Variants in EPO observed in about 807,000 individuals in gnomAD.
The protein encoded by EPO is erythropoietin, also known as epoetin.
Under a neutral mutation model 24.4 loss-of-function variants are expected in EPO, and 12 were observed. The ratio of observed to expected loss-of-function variants is 0.49; its 90% CI spans 0.32 to 0.80. The LOEUF is 0.80. Among genes scored for constraint, EPO ranks in the 30% least tolerant of loss-of-function variants. EPO has a pLI of 0.04. For synonymous variants in EPO, 107 were observed against 104.0 expected (o/e 1.03, Z -0.18); for missense variants, 210 against 238.0 (o/e 0.88, Z 0.77).
chr7:100,721,631 A>G lies in EPO; in HGVS notation c.87A>G (p.Pro29=). The change falls in exon 2 of 5, where the codon CCA becomes CCG. Residue 29 remains proline (P), a synonymous_variant. Coordinates refer to ENST00000252723, the MANE Select transcript of EPO (RefSeq NM_000799.4). The surrounding 1 kb of genome is among the most constrained non-coding windows in gnomAD (Gnocchi z 4.0). ...TGGGCCTCCCAGTCCTGGGCGCCCC[A>G]CCACGCCTCATCTGTGACAGCCGAG... is the stretch of plus-strand genomic sequence containing the variant. ...LPLGLPVLGA[P]PRLICDSRVL... is the part of the protein sequence containing the mutation. The G allele has an allele frequency of 1.9e-6, 3 of 1,613,498 alleles. No homozygotes were observed. The highest frequency in any genetic ancestry group is 2.5e-6 in the Non-Finnish European group (3 of 1,179,940).
At position 100,721,980 on chromosome 7, in the gene EPO, T is replaced by C. The variant is rs1269694686; in HGVS notation, c.178T>C (p.Cys60Arg). The change falls in exon 3 of 5, where the codon TGC (cysteine) becomes CGC (arginine). Residue 60 changes from cysteine to arginine, a missense_variant. Cys to Arg is a radical substitution (Grantham distance 180). Transcript: ENST00000252723. The surrounding 1 kb of genome is among the most constrained non-coding windows in gnomAD (Gnocchi z 4.0). ...ATTTCAGACGGGCTGTGCTGAACAC[T>C]GCAGCTTGAATGAGAATATCACTGT... ...ENITTGCAEH[C>R]SLNENITVPD... 4 of 1,613,322 alleles carry C rather than the reference T, an allele frequency of 2.5e-6. No individual in the cohort carries two copies. The highest frequency in any genetic ancestry group is 3.4e-6 in the Non-Finnish European group (4 of 1,179,846).
Position 100,722,744 on chromosome 7 carries a change from C to CA in EPO, c.329dup (p.Asn110LysfsTer15). Reference sequence around the variant, plus strand: ...TCCTGCGGGGCCAGGCCCTGTTGGTCAACTCTTCCCAGCCGTGGGAGCCCC... The same window carrying CA: ...TCCTGCGGGGCCAGGCCCTGTTGGTCAAACTCTTCCCAGCCGTGGGAGCCCC... On this transcript the variant is annotated frameshift_variant, in exon 4 of 5. Transcript: ENST00000252723. LOFTEE classifies it high-confidence loss of function. 6.2e-7 allele frequency: 1 copy of CA among 1,613,900 alleles called. No individual in the cohort carries two copies. Among genetic ancestry groups the CA allele is most frequent in the Non-Finnish European group, 8.5e-7 (1 of 1,179,968 alleles).
chr7:100,720,783 C>A lies in EPO; in HGVS notation c.-198C>A. 1 of 543,944 alleles carries A rather than the reference C, an allele frequency of 1.8e-6. No homozygotes were observed. The highest frequency in any genetic ancestry group is 2.9e-6 in the Non-Finnish European group (1 of 349,668). The allele number at this position is 543,944 out of a possible 1,614,324, so 33.7% of individuals were successfully genotyped here. On this transcript the variant is annotated 5_prime_UTR_variant, in exon 1 of 5. Coordinates refer to ENST00000252723, the MANE Select transcript of EPO (RefSeq NM_000799.4). ...CACCCCGGCCGCTCGCTGCGCTGCG[C>A]CGCACCGCGCTGTCCTCCCGGAGCC...
In EPO at chr7:100,720,934, C is replaced by T. The variant is rs1395278777; in HGVS notation, c.-47C>T. 8 of 1,537,464 alleles carry T rather than the reference C, an allele frequency of 5.2e-6. No homozygotes were observed. The highest frequency in any genetic ancestry group is 6.1e-6 in the Non-Finnish European group (7 of 1,144,564). On this transcript the variant is annotated 5_prime_UTR_variant, in exon 1 of 5. Coordinates refer to ENST00000252723, the MANE Select transcript of EPO (RefSeq NM_000799.4). ...CCGGGATGAGGGCCCCCGGTGTGGT[C>T]ACCCGGCGCGCCCCAGGTCGCTGAG...
In EPO at chr7:100,722,521, TCACTCAC is replaced by T. The variant is rs1562901711; in HGVS notation, c.247-142_247-136del. On this transcript the variant is annotated intron_variant, in intron 3 of 4. Transcript: ENST00000252723. Reference sequence around the variant, plus strand: ...ATTCATTATTCATTCACTCACTCACTCACTCACTCATTCATTCATTCATTCATTCAAC... The same window carrying T: ...ATTCATTATTCATTCACTCACTCACTTCATTCATTCATTCATTCATTCAAC... 6.2e-3 allele frequency: 3,939 copies of T among 635,788 alleles called. 106 individuals are homozygous for T. In the African/African-American group the frequency reaches 0.063, roughly 10 times the overall value. 39.4% of individuals were successfully genotyped at this position (635,788 alleles called of 1,614,324 possible).
chr7:100,722,011 A>G lies in EPO; in HGVS notation c.209A>G (p.Asp70Gly), dbSNP rs1806748422. 6.2e-7 allele frequency: 1 copy of G among 1,612,010 alleles called. No homozygotes were observed. Among genetic ancestry groups the G allele is most frequent in the Non-Finnish European group, 8.5e-7 (1 of 1,179,620 alleles). The change falls in exon 3 of 5, where the codon GAC (aspartate) becomes GGC (glycine). Residue 70 changes from aspartate (D) to glycine (G), a missense_variant. Asp to Gly is a moderately conservative substitution (Grantham distance 94, BLOSUM62 -1). Transcript: ENST00000252723. ...TTGAATGAGAATATCACTGTCCCAGACACCAAAGTTAATTTCTATGCCTGG... is the reference window on the plus strand; with the variant it reads ...TTGAATGAGAATATCACTGTCCCAGGCACCAAAGTTAATTTCTATGCCTGG... ...CSLNENITVP[D>G]TKVNFYAWKR...
rs1020652113 is a variant in EPO at position 100,720,748 on chromosome 7, G to A, written c.-233G>A. ...CCCGACCCCCGGCCAGAGCCGCAGAGTCCCTGGGCCACCCCGGCCGCTCGC... is the reference window on the plus strand; with the variant it reads ...CCCGACCCCCGGCCAGAGCCGCAGAATCCCTGGGCCACCCCGGCCGCTCGC... On this transcript the variant is annotated 5_prime_UTR_variant, in exon 1 of 5. Coordinates refer to ENST00000252723, the MANE Select transcript of EPO (RefSeq NM_000799.4). 5 of 423,236 alleles carry A rather than the reference G, an allele frequency of 1.2e-5. No homozygotes were observed. Among genetic ancestry groups the A allele is most frequent in the African/African-American group, 6.2e-5 (3 of 48,112 alleles). 26.2% of individuals were successfully genotyped at this position (423,236 alleles called of 1,614,324 possible).
rs530387518 is a variant in EPO, at chr7:100,721,722, C to T, written c.159+19C>T. ...TATCACGGTGAGACCCCTTCCCCAG[C>T]ACATTCCACAGAACTCACGCTCAGG... On this transcript the variant is annotated intron_variant, in intron 2 of 4. Coordinates refer to ENST00000252723, the MANE Select transcript of EPO (RefSeq NM_000799.4). This position sits in a 1 kb window ranked among gnomAD's most constrained non-coding sequence, Gnocchi z 4.0. 1.9e-6 allele frequency: 3 copies of T among 1,603,446 alleles called. No homozygotes were observed. The South Asian group carries it at 3.3e-5, about 18-fold the overall frequency.
Position 100,721,671 on chromosome 7 carries a change from C to T in EPO, c.127C>T (p.Leu43Phe). ...TGACAGCCGAGTCCTGGAGAGGTACCTCTTGGAGGCCAAGGAGGCCGAGAA... is the reference window on the plus strand; with the variant it reads ...TGACAGCCGAGTCCTGGAGAGGTACTTCTTGGAGGCCAAGGAGGCCGAGAA... ...ICDSRVLERY[L>F]LEAKEAENIT... Residue 43 changes from leucine to phenylalanine, a missense_variant, in exon 2 of 5, where the codon CTC becomes TTC. Transcript: ENST00000252723. The surrounding 1 kb of genome is among the most constrained non-coding windows in gnomAD (Gnocchi z 4.0). 6.2e-7 allele frequency: 1 copy of T among 1,612,544 alleles called. No individual in the cohort carries two copies. Among genetic ancestry groups the T allele is most frequent in the South Asian group, 1.1e-5 (1 of 91,080 alleles).
Position 100,721,898 on chromosome 7 carries a change from C to A in EPO, c.160-64C>A, listed in dbSNP as rs755347543. The stretch of plus-strand genomic sequence containing the variant: ...CAAGGAGCAAAGCCAGCAGATCCTA[C>A]GGCCTGTGGGCCAGGGCCAGAGCCT... On this transcript the variant is annotated intron_variant, in intron 2 of 4. Transcript: ENST00000252723. This position sits in a 1 kb window ranked among gnomAD's most constrained non-coding sequence, Gnocchi z 4.0. 9.0e-6 allele frequency: 14 copies of A among 1,557,014 alleles called. No homozygotes were observed. The highest frequency in any genetic ancestry group is 1.0e-5 in the Non-Finnish European group (12 of 1,150,226).
At position 100,723,108 on chromosome 7, in the gene EPO, A is replaced by G; in HGVS notation, c.557A>G (p.Glu186Gly). ...GGAAAGCTGAAGCTGTACACAGGGGAGGCCTGCAGGACAGGGGACAGATGA... is the reference window on the plus strand; with the variant it reads ...GGAAAGCTGAAGCTGTACACAGGGGGGGCCTGCAGGACAGGGGACAGATGA... ...LRGKLKLYTG[E>G]ACRTGDR The change falls in exon 5 of 5, where the codon GAG becomes GGG. Residue 186 changes from glutamate to glycine, a missense_variant. Coordinates refer to ENST00000252723, the MANE Select transcript of EPO (RefSeq NM_000799.4). 6.2e-7 allele frequency: 1 copy of G among 1,614,018 alleles called. No homozygotes were observed. The highest frequency in any genetic ancestry group is 8.5e-7 in the Non-Finnish European group (1 of 1,179,974).
Position 100,722,724 on chromosome 7 carries a change from C to A in EPO, c.307C>A (p.Arg103=), listed in dbSNP as rs367645892. Residue 103 remains arginine, a synonymous_variant, in exon 4 of 5, where the codon CGG becomes AGG. Coordinates refer to ENST00000252723, the MANE Select transcript of EPO (RefSeq NM_000799.4). ...GLALLSEAVL[R]GQALLVNSSQ... ...GGCCCTGCTGTCGGAAGCTGTCCTG[C>A]GGGGCCAGGCCCTGTTGGTCAACTC... is the stretch of plus-strand genomic sequence containing the variant. The A allele has an allele frequency of 3.1e-6, 5 of 1,613,398 alleles. No individual in the cohort carries two copies. Among genetic ancestry groups the A allele is most frequent in the South Asian group, 1.1e-5 (1 of 91,050 alleles).
At position 100,723,201 on chromosome 7, in the gene EPO, C is replaced by T. The variant is rs939740897; in HGVS notation, c.*68C>T. On this transcript the variant is annotated 3_prime_UTR_variant, in exon 5 of 5. Coordinates refer to ENST00000252723, the MANE Select transcript of EPO (RefSeq NM_000799.4). Reference sequence around the variant, plus strand: ...ACATTGCTTGTGCCACACCCTCCCCCGCCACTCCTGAACCCCGTCGAGGGG... The same window carrying T: ...ACATTGCTTGTGCCACACCCTCCCCTGCCACTCCTGAACCCCGTCGAGGGG... 5.9e-6 allele frequency: 9 copies of T among 1,530,026 alleles called. No individual in the cohort carries two copies. In the Admixed American group the frequency reaches 7.6e-5, roughly 13 times the overall value. 94.8% of individuals were successfully genotyped at this position (1,530,026 alleles called of 1,614,324 possible). A position where few individuals can be genotyped will look rare whatever the true frequency, so the allele number is the denominator to read the frequency against.
rs1385774784 is a variant in EPO, at chr7:100,723,694, C to T, written c.*561C>T. The stretch of plus-strand genomic sequence containing the variant: ...TCAACCTCATTGACAAGAACTGAAA[C>T]CACCAATATGACTCTTGGCTTTTCT... On this transcript the variant is annotated 3_prime_UTR_variant, in exon 5 of 5. Transcript: ENST00000252723. The T allele has an allele frequency of 6.6e-6, 1 of 152,518 alleles. No homozygotes were observed. Among genetic ancestry groups the T allele is most frequent in the Non-Finnish European group, 1.5e-5 (1 of 68,330 alleles). 9.4% of individuals were successfully genotyped at this position (152,518 alleles called of 1,614,324 possible).
Position 100,721,101 on chromosome 7 carries a change from C to T in EPO, c.13+108C>T. 7.8e-7 allele frequency: 1 copy of T among 1,278,100 alleles called. No homozygotes were observed. The highest frequency in any genetic ancestry group is 1.0e-6 in the Non-Finnish European group (1 of 968,488). 79.2% of individuals were successfully genotyped at this position (1,278,100 alleles called of 1,614,324 possible). ...GGTGGCTGGGTTCAAGGACCGGCGA[C>T]TTGTCAAGGACCCCGGAAGGGGGAG... On this transcript the variant is annotated intron_variant, in intron 1 of 4. Transcript: ENST00000252723. The surrounding 1 kb of genome is among the most constrained non-coding windows in gnomAD (Gnocchi z 4.0).
intron 3 of EPO, 31 bp downstream of exon 3, chr7:100,722,079 T>C: frequency 6.5e-7 from 1 of 1,538,314 alleles, no homozygotes; most frequent in Non-Finnish European, 8.8e-7. Context: ...TTTTCCTTTC[T>C]TTTGGAGAAT....
intron 3 of EPO, 42 bp from the exon 4 acceptor site, chr7:100,722,622 G>T: frequency 6.5e-7 from 1 of 1,534,614 alleles, no homozygotes; most frequent in Non-Finnish European, 8.7e-7. Flanking sequence ...GGAGGGAGAG[G>T]GTGACATGGG....
Position 100,721,521 on chromosome 7 carries a change from C to CT in EPO, c.14-36dup. 5 of 1,604,700 alleles carry CT rather than the reference C, an allele frequency of 3.1e-6. No individual in the cohort carries two copies. The highest frequency in any genetic ancestry group is 4.3e-6 in the Non-Finnish European group (5 of 1,174,478). ...TGTCCTTCCACAGCCACCCTTCTCC[C>CT]TCCCCGCCTGACTCTCAGCCTGGCT... is the stretch of plus-strand genomic sequence containing the variant. On this transcript the variant is annotated intron_variant, in intron 1 of 4. Coordinates refer to ENST00000252723, the MANE Select transcript of EPO (RefSeq NM_000799.4). The surrounding 1 kb of genome is among the most constrained non-coding windows in gnomAD (Gnocchi z 4.0).
At chr7:100,722,635 A>G in intron 3 of EPO, 29 bp from the exon 4 acceptor site, 1 of 1,554,410 alleles carries the variant, frequency 6.4e-7, no homozygotes, top group Non-Finnish European at 8.7e-7. Flanking sequence ...GACATGGGTC[A>G]GCTGACTCCC....
Sources: gnomAD v4.1 joint callset for allele counts on GRCh38, gnomAD v4.1.1 for gene constraint, Gnocchi (gnomAD v3.1) non-coding constraint, MANE v1.5 for transcripts, NCBI Gene and HGNC (gene_info 2026-07-23, HGNC 2026-07-21) for gene names.